Variants in UBXN8 observed in about 807,000 individuals in gnomAD.
UBXN8 encodes the protein UBX domain protein 8, also known as UBX domain-containing protein 8.
Under a neutral mutation model 32.1 loss-of-function variants are expected in UBXN8, and 27 were observed. That is an observed-to-expected ratio of 0.84 (90% CI 0.62 to 1.16). The LOEUF (loss-of-function observed/expected upper bound fraction) is 1.16, where lower values mean the gene tolerates loss of function less well. Among genes scored for constraint, UBXN8 ranks in the 50% most tolerant of loss-of-function variants. The pLI, the probability that UBXN8 is intolerant of heterozygous loss-of-function variation, is 0.00. For missense variants in UBXN8, 306 were observed against 311.4 expected (o/e 0.98, Z 0.13); for synonymous variants, 109 against 111.8 (o/e 0.98, Z 0.16).
chr8:30,759,383 C>T (rs996954779), intron 5 of UBXN8, among the ~76,000 whole-genome samples: 35 of 151,330 alleles, frequency 2.3e-4, no homozygotes, highest in South Asian at 8.3e-4. Context: ...TACAGGTGTG[C>T]GCCACCACGC....
chr8:30,749,928 T>C (rs546319736), intron 1 of UBXN8, among the ~76,000 whole-genome samples: 1 of 152,274 alleles, frequency 6.6e-6, no homozygotes, highest in Admixed American at 6.5e-5. Flanking sequence ...TTCAGTTTTA[T>C]TTCTAGTTAT....
intron 5 of UBXN8, among the ~76,000 whole-genome samples, chr8:30,757,704 C>T (rs1805699651): frequency 6.6e-6 from 1 of 150,800 alleles, no homozygotes; most frequent in Non-Finnish European, 1.5e-5. Flanking sequence ...ACTAAAAATA[C>T]AAAAATTAGC....
chr8:30,764,282 G>A (rs965582443), intron 7 of UBXN8, among the ~76,000 whole-genome samples: 2 of 152,026 alleles, frequency 1.3e-5, no homozygotes, highest in South Asian at 2.1e-4. Flanking sequence ...GGCCAGGTGC[G>A]GTGGCTCATG....
At chr8:30,746,290 T>C (rs895262389) in intron 1 of UBXN8, among the ~76,000 whole-genome samples, 4 of 151,916 alleles carry the variant, frequency 2.6e-5, no homozygotes, top group African/African-American at 9.7e-5. Context: ...TTTTAATATA[T>C]ATTTTTTCCT....
At chr8:30,744,311 C>A in intron 1 of UBXN8, 34 bp downstream of exon 1, 1 of 1,593,046 alleles carries the variant, frequency 6.3e-7, no homozygotes. Context: ...ACAGTCACAG[C>A]TGGGTAATTT....
In UBXN8 at chr8:30,744,188, C is replaced by A. The variant is rs775698227; in HGVS notation, c.-2C>A. 12 of 1,612,596 alleles carry A rather than the reference C, an allele frequency of 7.4e-6. No homozygotes were observed. In the South Asian group the frequency reaches 1.3e-4, roughly 18 times the overall value. The stretch of plus-strand genomic sequence containing the variant: ...CCGCCTGCACCAGGCGCTTCCGCCA[C>A]CATGGCTTCACGTGGGGTTGTTGGC... On this transcript the variant is annotated 5_prime_UTR_variant, in exon 1 of 8. Transcript: ENST00000265616.
intron 7 of UBXN8, among the ~76,000 whole-genome samples, chr8:30,764,619 ATGTT>A (rs967583827): frequency 4.6e-5 from 7 of 152,258 alleles, no homozygotes; most frequent in African/African-American, 1.7e-4. Flanking sequence ...TATGAAAAAA[ATGTT>A]TGGCCTCACA....
chr8:30,763,315 A>G lies in UBXN8; in HGVS notation c.613A>G (p.Arg205Gly). 2 of 1,613,812 alleles carry G rather than the reference A, an allele frequency of 1.2e-6. No homozygotes were observed. Among genetic ancestry groups the G allele is most frequent in the Non-Finnish European group, 1.7e-6 (2 of 1,179,706 alleles). Residue 205 changes from arginine (R) to glycine (G), a missense_variant, in exon 7 of 8, where the codon AGG (arginine) becomes GGG (glycine). Arg to Gly is a moderately radical substitution (Grantham distance 125, BLOSUM62 -2). Transcript: ENST00000265616. ...ALRCPSGNVL[R>G]RRFLKSYSSQ... ...CCGATGTCCCAGTGGGAATGTCCTG[A>G]GGAGAAGGTTTTTGAAGTCCTACAG...
chr8:30,751,661 T>C, intron 2 of UBXN8, 143 bp downstream of exon 2: 1 of 633,334 alleles, frequency 1.6e-6, no homozygotes. Flanking sequence ...TTAGTCATGA[T>C]TTTTTGTGTT....
intron 3 of UBXN8, among the ~76,000 whole-genome samples, chr8:30,753,382 G>A (rs532033280): frequency 2.1e-4 from 32 of 152,152 alleles, no homozygotes; most frequent in Non-Finnish European, 4.0e-4. Context: ...TCTGCCTCCC[G>A]AGTAGCTGGG....
At chr8:30,747,567 T>C (rs1805396297) in intron 1 of UBXN8, among the ~76,000 whole-genome samples, 1 of 141,120 alleles carries the variant, frequency 7.1e-6, no homozygotes, top group South Asian at 2.4e-4. Context: ...CACCTCAGCT[T>C]CTCAAAGTGC....
At chr8:30,758,900 T>TTTTTTTTTTTTTTTTTTTTG (rs1554578741) in intron 5 of UBXN8, among the ~76,000 whole-genome samples, 11 of 121,994 alleles carry the variant, frequency 9.0e-5, no homozygotes, top group Admixed American at 1.8e-4. Flanking sequence ...TTTTGTTTTT[T>TTTTTTTTTTTTTTTTTTTTG]TTTTTTTTTT....
At chr8:30,747,894 CTTTTT>C (rs67334347) in intron 1 of UBXN8, among the ~76,000 whole-genome samples, 1 of 35,640 alleles carries the variant, frequency 2.8e-5, no homozygotes, top group Non-Finnish European at 5.4e-5. Flanking sequence ...TATATTTTTT[CTTTTT>C]TTTTTTTTTT....
chr8:30,764,513 TAAATC>T (rs1290429172), intron 7 of UBXN8, among the ~76,000 whole-genome samples: 2 of 152,082 alleles, frequency 1.3e-5, no homozygotes, highest in South Asian at 2.1e-4. Context: ...ATAAGGAACT[TAAATC>T]AAGGAAGAGA....
At chr8:30,744,061 G>A (rs901359753), upstream of UBXN8, 5 of 767,650 alleles carry the variant, frequency 6.5e-6, no homozygotes, top group African/African-American at 5.2e-5. Context: ...ATAACGACAC[G>A]GCCGTCAGTA....
chr8:30,757,283 C>T (rs1805688456), intron 5 of UBXN8, among the ~76,000 whole-genome samples: 1 of 152,088 alleles, frequency 6.6e-6, no homozygotes, highest in African/African-American at 2.4e-5. Flanking sequence ...GGCACTGTGG[C>T]TCATGCCTGT....
At chr8:30,741,544 T>C (rs1805200928), upstream of UBXN8, among the ~76,000 whole-genome samples, 2 of 143,800 alleles carry the variant, frequency 1.4e-5, no homozygotes, top group South Asian at 4.4e-4. Flanking sequence ...CTCTACCTCC[T>C]GAGTTCAAGT....
intron 5 of UBXN8, among the ~76,000 whole-genome samples, chr8:30,760,445 T>A (rs11775796): frequency 3.5e-3 from 110 of 31,174 alleles, no homozygotes; most frequent in African/African-American, 5.3e-3. Context: ...ATATATATAT[T>A]TTTTTTTTTT....
At chr8:30,752,941 A>AT (rs573637522) in intron 2 of UBXN8, 94 bp from the exon 3 acceptor site, 15 of 1,375,324 alleles carry the variant, frequency 1.1e-5, no homozygotes, top group Admixed American at 3.3e-5. Context: ...TAGACTTTAG[A>AT]TTTTTTTCTT....
Sources: gnomAD v4.1 joint callset for allele counts (sites outside exome capture counted in the v4.1 genomes callset) on GRCh38, gnomAD v4.1.1 for gene constraint, MANE v1.5 for transcripts, NCBI Gene and HGNC (gene_info 2026-07-23, HGNC 2026-07-21) for gene names.